SMAP2: variants seen among roughly 807,000 people sequenced by gnomAD.
The protein encoded by SMAP2 is small ArfGAP2.
In SMAP2, 25 loss-of-function variants were observed where a neutral mutation model predicts 56.4. That is an observed-to-expected ratio of 0.44 (90% CI 0.32 to 0.62). The LOEUF (loss-of-function observed/expected upper bound fraction) is 0.62. Among genes scored for constraint, SMAP2 ranks in the 20% least tolerant of loss-of-function variants. The pLI, the probability that SMAP2 is intolerant of heterozygous loss-of-function variation, is 0.04. For synonymous variants in SMAP2, 157 were observed against 181.7 expected, an observed-to-expected ratio of 0.86 and a Z score of 1.09; for missense variants, 388 against 545.6, an observed-to-expected ratio of 0.71 and a Z score of 2.88.
At chr1:40,384,009 G>A (rs1362690930) in intron 1 of SMAP2, among the ~76,000 whole-genome samples, 1 of 152,038 alleles carries the variant, frequency 6.6e-6, no homozygotes, top group African/African-American at 2.4e-5. Context: ...TGATTCTCAT[G>A]CCTCAGCCTT....
At chr1:40,420,439 CAA>C (rs1292269115) in intron 9 of SMAP2, among the ~76,000 whole-genome samples, 1 of 151,894 alleles carries the variant, frequency 6.6e-6, no homozygotes, top group Non-Finnish European at 1.5e-5. Flanking sequence ...ATGGAAAAAA[CAA>C]AACAAAACCA....
intron 1 of SMAP2, chr1:40,375,769 C>T (rs902466722): frequency 1.1e-5 from 11 of 984,578 alleles, no homozygotes; most frequent in Non-Finnish European, 1.2e-5. Flanking sequence ...AGTGAAGCAA[C>T]CCACTGGAGT....
intron 1 of SMAP2, among the ~76,000 whole-genome samples, chr1:40,402,771 T>C (rs1644848654): frequency 6.6e-6 from 1 of 152,230 alleles, no homozygotes; most frequent in Non-Finnish European, 1.5e-5. Context: ...TGAGATCCAC[T>C]ATTTTTTAAC....
chr1:40,382,213 T>TC (rs1644605925), intron 1 of SMAP2, among the ~76,000 whole-genome samples: 2 of 152,034 alleles, frequency 1.3e-5, no homozygotes, highest in African/African-American at 4.8e-5. Flanking sequence ...ATCACATGAG[T>TC]CATTGTCTGT....
rs190697663 is a variant in SMAP2 at position 40,410,019 on chromosome 1, A to G, written c.402+184A>G. On this transcript the variant is annotated intron_variant, in intron 4 of 9. Transcript: ENST00000372718. Reference sequence around the variant, plus strand: ...CACTTTGGGAGGCTGAGGTGGGAGGATCACTTGAACCTAGAAGTTTAAGAC... The same window carrying G: ...CACTTTGGGAGGCTGAGGTGGGAGGGTCACTTGAACCTAGAAGTTTAAGAC... 2.0e-5 allele frequency among the ~76,000 whole-genome samples: 3 copies of G among 152,232 alleles called. No individual in the cohort carries two copies. In the East Asian group the frequency reaches 5.8e-4, roughly 29 times the overall value.
chr1:40,362,287 AC>A (rs1644463392), intron 1 of SMAP2: 1 of 152,214 alleles, frequency 6.6e-6, no homozygotes. Context: ...CATTGGTTGA[AC>A]ACAACCAAAA....
rs374308776 is a variant in SMAP2, at chr1:40,374,460, A to G, written c.103+237A>G. 2.1e-4 allele frequency among the ~76,000 whole-genome samples: 32 copies of G among 152,006 alleles called. No homozygotes were observed. The East Asian group carries it at 4.7e-3, about 22-fold the overall frequency. On this transcript the variant is annotated intron_variant, in intron 1 of 9. Transcript: ENST00000372718. The surrounding 1 kb of genome is among the most constrained non-coding windows in gnomAD (Gnocchi z 5.9). ...GGGTGGAGGTGATGGTGCGGGTGGA[A>G]GTTGCCTGGCGTGTTCAGGTGAGAA...
chr1:40,398,214 GCATACGCGTA>G (rs1388612581), intron 1 of SMAP2, among the ~76,000 whole-genome samples: 5 of 151,314 alleles, frequency 3.3e-5, no homozygotes, highest in Admixed American at 2.0e-4. Context: ...TTTTTTCTGT[GCATACGCGTA>G]CATTTATTTA....
chr1:40,348,556 A>T (rs1227803403), intron 1 of SMAP2, among the ~76,000 whole-genome samples: 1 of 152,034 alleles, frequency 6.6e-6, no homozygotes, highest in Non-Finnish European at 1.5e-5. Context: ...TCAGCTGGGC[A>T]TGGTGGCGTG....
rs1160754169 is a variant in SMAP2, at chr1:40,423,214, A to G, written c.*1113A>G. 2.6e-5 allele frequency: 4 copies of G among 152,592 alleles called. No homozygotes were observed. The highest frequency in any genetic ancestry group is 4.4e-5 in the Non-Finnish European group (3 of 68,050). The allele number at this position is 152,592 out of a possible 1,614,324, so 9.5% of individuals were successfully genotyped here. A position where few individuals can be genotyped will look rare whatever the true frequency, so the allele number is the denominator to read the frequency against. On this transcript the variant is annotated 3_prime_UTR_variant, in exon 10 of 10. Coordinates refer to ENST00000372718, the MANE Select transcript of SMAP2 (RefSeq NM_022733.3). Reference sequence around the variant, plus strand: ...CTCAGTCATTGTTCACCCCACTTGAAAATTCAGACAAGAAAACTTTGCTTA... The same window carrying G: ...CTCAGTCATTGTTCACCCCACTTGAGAATTCAGACAAGAAAACTTTGCTTA...
intron 1 of SMAP2, among the ~76,000 whole-genome samples, chr1:40,388,726 C>T (rs994793186): frequency 2.0e-5 from 3 of 152,286 alleles, no homozygotes; most frequent in South Asian, 4.1e-4. Context: ...GCAGGCTGCC[C>T]GAGCCAGCAG....
At chr1:40,401,127 A>G (rs150681764) in intron 1 of SMAP2, among the ~76,000 whole-genome samples, 3,857 of 152,178 alleles carry the variant, frequency 0.025, 247 homozygotes, top group Admixed American at 0.15. Flanking sequence ...GCCGGGCGTG[A>G]TCGCGGGCGC....
At chr1:40,371,494 T>A (rs1004729083), upstream of SMAP2, among the ~76,000 whole-genome samples, 5 of 152,352 alleles carry the variant, frequency 3.3e-5, no homozygotes, top group African/African-American at 1.2e-4. Context: ...TGCTAAGTTA[T>A]CCTCTATGGG....
In SMAP2 at chr1:40,417,049, G is replaced by A. The variant is rs1181888309; in HGVS notation, c.1117G>A (p.Val373Met). 4 of 1,612,368 alleles carry A rather than the reference G, an allele frequency of 2.5e-6. No homozygotes were observed. The African/African-American group carries it at 5.3e-5, about 22-fold the overall frequency. The change falls in exon 9 of 10, where the codon GTG becomes ATG. Residue 373 changes from valine to methionine, a missense_variant. Val to Met is a conservative substitution (Grantham distance 21). Coordinates refer to ENST00000372718, the MANE Select transcript of SMAP2 (RefSeq NM_022733.3). Reference protein sequence around the residue: ...MAGMAAMPQTVYGVQPAQQLQ... With the variant: ...MAGMAAMPQTMYGVQPAQQLQ... ...AGGCATGGCAGCTATGCCCCAGACT[G>A]TGTATGGGGTCCAGCCAGCTCAGCA...
chr1:40,386,091 C>T lies in SMAP2; in HGVS notation c.103+11868C>T, dbSNP rs1227550934. Among the ~76,000 whole-genome samples the T allele has an allele frequency of 6.6e-6, 1 of 152,148 alleles. No individual in the cohort carries two copies. Among genetic ancestry groups the T allele is most frequent in the African/African-American group, 2.4e-5 (1 of 41,404 alleles). ...TGTTGTTGTTGACACTTTATCACTC[C>T]TTATAACTGACACAAACCCTGAGAA... On this transcript the variant is annotated intron_variant, in intron 1 of 9. Transcript: ENST00000372718. This position sits in a 1 kb window ranked among gnomAD's most constrained non-coding sequence, Gnocchi z 4.1.
intron 4 of SMAP2, among the ~76,000 whole-genome samples, chr1:40,410,130 C>A (rs41268055): frequency 6.6e-6 from 1 of 152,042 alleles, no homozygotes; most frequent in Non-Finnish European, 1.5e-5. Flanking sequence ...CTGTAATAAC[C>A]AGCTACTTGG....
intron 1 of SMAP2, among the ~76,000 whole-genome samples, chr1:40,352,068 A>G (rs553037430): frequency 6.6e-6 from 1 of 152,330 alleles, no homozygotes; most frequent in South Asian, 2.1e-4. Flanking sequence ...TTATTAAGAA[A>G]GTAAAGAAAC....
Position 40,422,199 on chromosome 1 carries a change from G to C in SMAP2, c.*98G>C. ...CCCCATCCTCTTTTCCTACCTCTCT[G>C]TTTGGTTTAGAAATTGCTCAATAAG... On this transcript the variant is annotated 3_prime_UTR_variant, in exon 10 of 10. Coordinates refer to ENST00000372718, the MANE Select transcript of SMAP2 (RefSeq NM_022733.3). 2.7e-6 allele frequency: 4 copies of C among 1,504,212 alleles called. No homozygotes were observed. Among genetic ancestry groups the C allele is most frequent in the Non-Finnish European group, 3.6e-6 (4 of 1,118,556 alleles). 93.2% of individuals were successfully genotyped at this position (1,504,212 alleles called of 1,614,324 possible). A position where few individuals can be genotyped will look rare whatever the true frequency, so the allele number is the denominator to read the frequency against.
intron 1 of SMAP2, among the ~76,000 whole-genome samples, chr1:40,383,352 T>A (rs1039373586): frequency 6.6e-6 from 1 of 152,144 alleles, no homozygotes. Context: ...GTGCCTCCCA[T>A]TGATGGAACT....
Sources: allele counts gnomAD v4.1 joint callset (sites outside exome capture counted in the v4.1 genomes callset), GRCh38; gene constraint gnomAD v4.1.1; non-coding constraint Gnocchi (gnomAD v3.1); transcripts MANE v1.5; gene names NCBI Gene and HGNC (gene_info 2026-07-23, HGNC 2026-07-21).